Variants in ERBB4 observed in about 807,000 individuals in gnomAD.
The protein encoded by ERBB4 is erb-b2 receptor tyrosine kinase 4.
ERBB4 carries 42 observed loss-of-function variants against 158.0 expected under a neutral mutation model. That is an observed-to-expected ratio of 0.27 (90% confidence interval 0.21 to 0.34). ERBB4 has a LOEUF of 0.34. Among genes scored for constraint, ERBB4 ranks in the 10% least tolerant of loss-of-function variants. The probability of loss-of-function intolerance (pLI) is 1.00; values close to 1 mark genes in which losing one functional copy is unlikely to be tolerated. For missense variants in ERBB4, 1,333 were observed against 1,624.1 expected, an observed-to-expected ratio of 0.82 and a Z score of 3.08; for synonymous variants, 583 against 558.7, an observed-to-expected ratio of 1.04 and a Z score of -0.61.
intron 1 of ERBB4, among the ~76,000 whole-genome samples, chr2:212,422,252 C>G (rs1188752719): frequency 6.6e-6 from 1 of 152,118 alleles, no homozygotes; most frequent in Admixed American, 6.6e-5. Context: ...ATGCTTTAAT[C>G]GCAGCACTTT....
chr2:211,897,803 G>T (rs1011716671), intron 3 of ERBB4, among the ~76,000 whole-genome samples: 6 of 151,988 alleles, frequency 3.9e-5, no homozygotes, highest in African/African-American at 1.4e-4. Flanking sequence ...GAGTGCAGTG[G>T]CATAATCATA....
intron 20 of ERBB4, among the ~76,000 whole-genome samples, chr2:211,436,350 T>C (rs1395503641): frequency 1.3e-5 from 2 of 152,162 alleles, no homozygotes; most frequent in Non-Finnish European, 2.9e-5. Flanking sequence ...GTAGAGTGGG[T>C]AGGAGTGTAG....
chr2:211,381,529 G>C lies in ERBB4; in HGVS notation c.*2086C>G. 1 of 231,102 alleles carries C rather than the reference G, an allele frequency of 4.3e-6. No individual in the cohort carries two copies. The allele number at this position is 231,102 out of a possible 1,614,324, so 14.3% of individuals were successfully genotyped here. A position where few individuals can be genotyped will look rare whatever the true frequency, so the allele number is the denominator to read the frequency against. Reference sequence around the variant, plus strand: ...GACTATGCAATCTGATTGTTGGAACGCATAGAAAAATTAAAATGTCATTTT... The same window carrying C: ...GACTATGCAATCTGATTGTTGGAACCCATAGAAAAATTAAAATGTCATTTT... On this transcript the variant is annotated 3_prime_UTR_variant, in exon 28 of 28. Transcript: ENST00000342788.
intron 14 of ERBB4, among the ~76,000 whole-genome samples, chr2:211,666,614 T>C: frequency 6.6e-6 from 1 of 152,198 alleles, no homozygotes; most frequent in Non-Finnish European, 1.5e-5. Context: ...AAATGCTATC[T>C]TTCTTAAAAG....
intron 3 of ERBB4, among the ~76,000 whole-genome samples, chr2:211,926,227 T>C (rs2080018722): frequency 6.6e-6 from 1 of 152,146 alleles, no homozygotes; most frequent in Admixed American, 6.5e-5. Flanking sequence ...TTCAATTTGT[T>C]CTGACTGCAT....
intron 2 of ERBB4, among the ~76,000 whole-genome samples, chr2:211,954,079 C>A (rs2080960003): frequency 6.6e-6 from 1 of 151,936 alleles, no homozygotes; most frequent in Non-Finnish European, 1.5e-5. Context: ...ATGCTTCATT[C>A]CACAACTCTT....
chr2:211,526,931 G>A (rs1422590936), intron 20 of ERBB4, among the ~76,000 whole-genome samples: 1 of 151,934 alleles, frequency 6.6e-6, no homozygotes, highest in Admixed American at 6.6e-5. Flanking sequence ...AAACAATAAA[G>A]CATGCCTACA....
rs547038578 is a variant in ERBB4, at chr2:212,041,787, CTT to C, written c.234+82963_234+82964del. On this transcript the variant is annotated intron_variant, in intron 2 of 27. Coordinates refer to ENST00000342788, the MANE Select transcript of ERBB4 (RefSeq NM_005235.3). ...TCCTTCAATATTTAACTTTTTCACT[CTT>C]TGTTCCCCATCTCAAGTTGAACAAT... 6.6e-5 allele frequency among the ~76,000 whole-genome samples: 10 copies of C among 152,162 alleles called. No homozygotes were observed. The South Asian group carries it at 2.1e-3, about 32-fold the overall frequency.
At chr2:211,386,720 GC>G in intron 27 of ERBB4, 132 bp downstream of exon 27, 1 of 758,358 alleles carries the variant, frequency 1.3e-6, no homozygotes. Flanking sequence ...ACTACAAGTA[GC>G]AGTAGCCTAG....
At chr2:211,503,815 A>G (rs2065676570) in intron 20 of ERBB4, among the ~76,000 whole-genome samples, 1 of 151,952 alleles carries the variant, frequency 6.6e-6, no homozygotes, top group Non-Finnish European at 1.5e-5. Flanking sequence ...CTCTGCCTGG[A>G]GGGTTGTCTC....
At chr2:212,050,380 A>G (rs2077368430) in intron 2 of ERBB4, among the ~76,000 whole-genome samples, 1 of 152,140 alleles carries the variant, frequency 6.6e-6, no homozygotes, top group South Asian at 2.1e-4. Flanking sequence ...TGTGAATGAG[A>G]AAAATTTCAT....
intron 1 of ERBB4, among the ~76,000 whole-genome samples, chr2:212,302,447 T>G (rs2086656924): frequency 6.6e-6 from 1 of 151,544 alleles, no homozygotes; most frequent in Non-Finnish European, 1.5e-5. Flanking sequence ...AATCTTGTGG[T>G]ATAACAGCTA....
chr2:212,082,624 G>A (rs1459966515), intron 2 of ERBB4, among the ~76,000 whole-genome samples: 1 of 151,834 alleles, frequency 6.6e-6, no homozygotes, highest in Non-Finnish European at 1.5e-5. Flanking sequence ...AAGTGGATTC[G>A]TATGACACTC....
intron 1 of ERBB4, among the ~76,000 whole-genome samples, chr2:212,316,687 G>C (rs1005079945): frequency 2.0e-5 from 3 of 151,452 alleles, no homozygotes; most frequent in African/African-American, 7.3e-5. Context: ...TGTCAGTTGA[G>C]AGACTAGTAG....
chr2:212,148,695 G>A (rs964270966), intron 1 of ERBB4, among the ~76,000 whole-genome samples: 2 of 151,350 alleles, frequency 1.3e-5, no homozygotes, highest in African/African-American at 4.9e-5. Context: ...AAATCACGCT[G>A]CTATAAAGAC....
intron 2 of ERBB4, among the ~76,000 whole-genome samples, chr2:212,073,551 G>A (rs1242562418): frequency 1.3e-5 from 2 of 151,998 alleles, no homozygotes; most frequent in African/African-American, 4.8e-5. Context: ...TGAGTCAGAG[G>A]ATAAACACTA....
chr2:211,671,542 G>A (rs896510023), intron 14 of ERBB4, among the ~76,000 whole-genome samples: 5 of 152,098 alleles, frequency 3.3e-5, no homozygotes, highest in Admixed American at 3.3e-4. Context: ...GCAAGTTTTG[G>A]CAGTTGCTCA....
chr2:212,030,772 G>A (rs1194904575), intron 2 of ERBB4, among the ~76,000 whole-genome samples: 1 of 152,106 alleles, frequency 6.6e-6, no homozygotes, highest in African/African-American at 2.4e-5. Flanking sequence ...TTTGAGGAAT[G>A]TTAATTCTCC....
chr2:211,613,475 A>C (rs1238341507), intron 19 of ERBB4, among the ~76,000 whole-genome samples: 2 of 150,460 alleles, frequency 1.3e-5, no homozygotes, highest in Non-Finnish European at 2.9e-5. Context: ...AGTTCTAGAG[A>C]CAACCTACAA....
Sources: gnomAD v4.1 joint callset for allele counts (sites outside exome capture counted in the v4.1 genomes callset) on GRCh38, gnomAD v4.1.1 for gene constraint, MANE v1.5 for transcripts, NCBI Gene and HGNC (gene_info 2026-07-23, HGNC 2026-07-21) for gene names.